Variants in TAF2 observed in about 807,000 individuals in gnomAD.
TAF2 encodes transcription initiation factor TFIID subunit 2.
TAF2 carries 61 observed loss-of-function variants against 138.5 expected under a neutral mutation model. That is an observed-to-expected ratio of 0.44 (90% CI 0.36 to 0.54). The LOEUF (loss-of-function observed/expected upper bound fraction) is 0.54, where lower values mean the gene tolerates loss of function less well. Among genes scored for constraint, TAF2 ranks in the 20% least tolerant of loss-of-function variants. The pLI is 0.00. For missense variants in TAF2, 1,090 were observed against 1,427.9 expected, an observed-to-expected ratio of 0.76 and a Z score of 3.81; for synonymous variants, 475 against 469.9, an observed-to-expected ratio of 1.01 and a Z score of -0.14.
chr8:119,819,514 G>GAT lies in TAF2; in HGVS notation c.139-10_139-9dup. On this transcript the variant is annotated splice_polypyrimidine_tract_variant and intron_variant, in intron 2 of 25. Transcript: ENST00000378164. Reference sequence around the variant, plus strand: ...AGTCAGTTCCACAAATCCCTGTAAAGATAGAGAATAACAACTTCATTATAA... The same window carrying GAT: ...AGTCAGTTCCACAAATCCCTGTAAAGATATAGAGAATAACAACTTCATTATAA... 1 of 1,600,060 alleles carries GAT rather than the reference G, an allele frequency of 6.2e-7. No homozygotes were observed. Among genetic ancestry groups the GAT allele is most frequent in the Non-Finnish European group, 8.5e-7 (1 of 1,175,296 alleles).
At chr8:119,786,164 C>T (rs1448133707) in intron 14 of TAF2, among the ~76,000 whole-genome samples, 2 of 152,066 alleles carry the variant, frequency 1.3e-5, no homozygotes, top group Non-Finnish European at 2.9e-5. Context: ...GTTCAGAATA[C>T]ATACTAATTG....
intron 25 of TAF2, among the ~76,000 whole-genome samples, chr8:119,736,524 T>C (rs1042341127): frequency 1.3e-5 from 2 of 152,194 alleles, no homozygotes; most frequent in African/African-American, 4.8e-5. Flanking sequence ...CCATTGGAGA[T>C]TGCTAGTCAA....
At chr8:119,832,371 C>T (rs1215384818) in intron 1 of TAF2, 111 bp downstream of exon 1, 3 of 954,902 alleles carry the variant, frequency 3.1e-6, no homozygotes, top group Admixed American at 2.0e-5. Context: ...TGAGTAAATT[C>T]TAGTTTCCCA....
intron 25 of TAF2, 147 bp downstream of exon 25, chr8:119,742,387 A>G (rs1244838443): frequency 1.9e-5 from 17 of 912,944 alleles, no homozygotes; most frequent in African/African-American, 3.4e-5. Context: ...TTAAAGTTAG[A>G]CAATATAAGC....
chr8:119,793,512 CAAATTTTAGAATTAA>C, intron 9 of TAF2, 61 bp from the exon 10 acceptor site: 1 of 1,182,656 alleles, frequency 8.5e-7, no homozygotes, highest in Non-Finnish European at 1.2e-6. Flanking sequence ...TTTTACATAC[CAAATTTTAGAATTAA>C]ACTGTGAATT....
chr8:119,753,304 AC>A (rs1820479105), intron 22 of TAF2, among the ~76,000 whole-genome samples: 1 of 152,068 alleles, frequency 6.6e-6, no homozygotes, highest in African/African-American at 2.4e-5. Flanking sequence ...TGATTATATT[AC>A]TTTTGCCATT....
At chr8:119,776,910 C>A (rs1190871832) in intron 18 of TAF2, among the ~76,000 whole-genome samples, 4 of 152,090 alleles carry the variant, frequency 2.6e-5, no homozygotes, top group Non-Finnish European at 5.9e-5. Flanking sequence ...GACCCTCTCT[C>A]TATATATGTG....
chr8:119,829,007 ACTCTTTC>A (rs1340619431), intron 2 of TAF2, among the ~76,000 whole-genome samples: 102 of 152,246 alleles, frequency 6.7e-4, no homozygotes, highest in African/African-American at 2.4e-3. Flanking sequence ...GCCATTACCA[ACTCTTTC>A]AGTGGCTCAT....
In TAF2 at chr8:119,806,289, C is replaced by T. The variant is rs779129266; in HGVS notation, c.412G>A (p.Val138Ile). The change falls in exon 4 of 26, where the codon GTT (valine) becomes ATT (isoleucine). Residue 138 changes from valine (V) to isoleucine (I), a missense_variant. Val to Ile is a conservative substitution (Grantham distance 29). Transcript: ENST00000378164. ...IKVPSELWKHVDELKVLKIHI... is the reference protein window; with the variant it reads ...IKVPSELWKHIDELKVLKIHI... ...TATACTCTTGGTGCTTTACCATCAACGTGTTTCCATAGCTCTGATGGAACC... is the reference window on the plus strand; with the variant it reads ...TATACTCTTGGTGCTTTACCATCAATGTGTTTCCATAGCTCTGATGGAACC... 1.1e-5 allele frequency: 18 copies of T among 1,612,986 alleles called. No homozygotes were observed. Among genetic ancestry groups the T allele is most frequent in the Non-Finnish European group, 1.4e-5 (17 of 1,179,180 alleles).
At chr8:119,828,125 G>A (rs564080888) in intron 2 of TAF2, among the ~76,000 whole-genome samples, 2 of 152,082 alleles carry the variant, frequency 1.3e-5, no homozygotes, top group East Asian at 1.9e-4. Flanking sequence ...TGATCCATCC[G>A]CCTTGGCCTC....
chr8:119,758,369 A>G, intron 20 of TAF2, among the ~76,000 whole-genome samples: 1 of 152,164 alleles, frequency 6.6e-6, no homozygotes. Context: ...AGTTGCATCA[A>G]TAATGTATTT....
At chr8:119,742,500 C>G in intron 25 of TAF2, 34 bp downstream of exon 25, 1 of 1,606,078 alleles carries the variant, frequency 6.2e-7, no homozygotes, top group South Asian at 1.1e-5. Flanking sequence ...TGTTCTTGAA[C>G]AAAATAATAT....
At chr8:119,798,665 A>C (rs1824006690) in intron 6 of TAF2, among the ~76,000 whole-genome samples, 1 of 152,230 alleles carries the variant, frequency 6.6e-6, no homozygotes, top group African/African-American at 2.4e-5. Context: ...TTTGAATATA[A>C]CATCTATTAC....
At chr8:119,741,340 T>C (rs1819591503) in intron 25 of TAF2, among the ~76,000 whole-genome samples, 1 of 152,158 alleles carries the variant, frequency 6.6e-6, no homozygotes, top group Non-Finnish European at 1.5e-5. Context: ...TCAAACTGTA[T>C]GAAGGAGTTT....
At chr8:119,828,685 C>A (rs1241492876) in intron 2 of TAF2, among the ~76,000 whole-genome samples, 1 of 152,220 alleles carries the variant, frequency 6.6e-6, no homozygotes, top group Non-Finnish European at 1.5e-5. Flanking sequence ...GGGACTGTTA[C>A]AATTTAGTTT....
Position 119,778,094 on chromosome 8 carries a change from A to C in TAF2, c.2289T>G (p.Val763=), listed in dbSNP as rs1822383362. The C allele has an allele frequency of 6.2e-7, 1 of 1,602,752 alleles. No homozygotes were observed. Among genetic ancestry groups the C allele is most frequent in the African/African-American group, 1.3e-5 (1 of 74,690 alleles). Residue 763 remains valine, a synonymous_variant, in exon 18 of 26, where the codon GTT becomes GTG. Transcript: ENST00000378164. ...MPVAMALLRD[V]HNLCPKEVLT... ...AGACTTCTTTAGGACAAAGATTATGAACATCTCTTAATAAAGCCATTGCAA... is the reference window on the plus strand; with the variant it reads ...AGACTTCTTTAGGACAAAGATTATGCACATCTCTTAATAAAGCCATTGCAA...
chr8:119,781,325 T>C (rs1446414766), intron 16 of TAF2, 132 bp from the exon 17 acceptor site: 2 of 1,072,884 alleles, frequency 1.9e-6, no homozygotes, highest in Non-Finnish European at 2.7e-6. Context: ...CAGAAATTTA[T>C]AACAATTTAG....
chr8:119,832,821 G>A lies in TAF2; in HGVS notation c.-257C>T, dbSNP rs1308254953. 4 of 453,022 alleles carry A rather than the reference G, an allele frequency of 8.8e-6. No homozygotes were observed. The highest frequency in any genetic ancestry group is 2.0e-5 in the African/African-American group (1 of 50,566). 28.1% of individuals were successfully genotyped at this position (453,022 alleles called of 1,614,324 possible). ...CAAGGGCTCGAAGCTACCATCCGCC[G>A]ACATCTTGTCTGTAACCTCTGACCT... On this transcript the variant is annotated 5_prime_UTR_variant, in exon 1 of 26. Transcript: ENST00000378164.
At chr8:119,821,026 T>TA (rs1825774591) in intron 2 of TAF2, among the ~76,000 whole-genome samples, 2 of 95,688 alleles carry the variant, frequency 2.1e-5, no homozygotes, top group South Asian at 5.2e-4. Context: ...AACAAAAGAT[T>TA]AAAGAAGTAC....
Sources: gnomAD v4.1 joint callset for allele counts (sites outside exome capture counted in the v4.1 genomes callset) on GRCh38, gnomAD v4.1.1 for gene constraint, MANE v1.5 for transcripts, NCBI Gene and HGNC (gene_info 2026-07-23, HGNC 2026-07-21) for gene names.